SLIT3: variants seen among roughly 807,000 people sequenced by gnomAD.
SLIT3 encodes the protein slit guidance ligand 3.
A neutral mutation model predicts 184.0 loss-of-function variants in SLIT3; 68 were observed. That is an observed-to-expected ratio of 0.37 (90% confidence interval 0.30 to 0.45). The LOEUF (loss-of-function observed/expected upper bound fraction) is 0.45. SLIT3 is among the 20% of genes least tolerant of loss of function. The pLI, the probability that SLIT3 is intolerant of heterozygous loss-of-function variation, is 1.00. For synonymous variants in SLIT3, 831 were observed against 828.6 expected (o/e 1.00, Z -0.05); for missense variants, 1,707 against 2,026.0 (o/e 0.84, Z 3.02).
chr5:168,744,324 C>T (rs1049288393), intron 20 of SLIT3, among the ~76,000 whole-genome samples: 1 of 152,132 alleles, frequency 6.6e-6, no homozygotes, highest in African/African-American at 2.4e-5. Context: ...AAGCTATCTT[C>T]ATAACAGGAA....
intron 4 of SLIT3, among the ~76,000 whole-genome samples, chr5:168,960,830 G>T (rs1762979708): frequency 6.6e-6 from 1 of 152,224 alleles, no homozygotes; most frequent in Non-Finnish European, 1.5e-5. Flanking sequence ...TAAAGCTGGA[G>T]CTTTATTAGT....
intron 5 of SLIT3, among the ~76,000 whole-genome samples, chr5:168,849,406 C>A (rs1252460050): frequency 1.3e-5 from 2 of 152,224 alleles, no homozygotes; most frequent in African/African-American, 2.4e-5. Flanking sequence ...GCTCAGCACC[C>A]TTTAGAGTTT....
intron 4 of SLIT3, among the ~76,000 whole-genome samples, chr5:169,137,522 G>C (rs1761564879): frequency 6.6e-6 from 1 of 151,822 alleles, no homozygotes; most frequent in Non-Finnish European, 1.5e-5. Flanking sequence ...TCTCTGCTCA[G>C]CTCCTGGCCA....
rs1761031058 is a variant in SLIT3 at position 168,666,130 on chromosome 5, C to A, written c.*324G>T. On this transcript the variant is annotated 3_prime_UTR_variant, in exon 36 of 36. Transcript: ENST00000519560. Reference sequence around the variant, plus strand: ...TTTGTTTTAAAGCATTTTTATTAGTCTATTTTTTTCTTAAATTTTTAAACA... The same window carrying A: ...TTTGTTTTAAAGCATTTTTATTAGTATATTTTTTTCTTAAATTTTTAAACA... The A allele has an allele frequency of 5.2e-6, 1 of 192,450 alleles. No individual in the cohort carries two copies. Among genetic ancestry groups the A allele is most frequent in the African/African-American group, 2.3e-5 (1 of 43,000 alleles). 11.9% of individuals were successfully genotyped at this position (192,450 alleles called of 1,614,324 possible). A position where few individuals can be genotyped will look rare whatever the true frequency, so the allele number is the denominator to read the frequency against.
intron 4 of SLIT3, among the ~76,000 whole-genome samples, chr5:169,063,054 G>A (rs1482489211): frequency 6.6e-6 from 1 of 152,214 alleles, no homozygotes; most frequent in Non-Finnish European, 1.5e-5. Context: ...GCATTTGGGT[G>A]CATTTGCTGG....
In SLIT3 at chr5:168,673,899, T is replaced by A. The variant is rs537494005; in HGVS notation, c.3687-568A>T. On this transcript the variant is annotated intron_variant, in intron 32 of 35. Transcript: ENST00000519560. ...AAGCAAACTCCATTCCCAGACCACC[T>A]TCTCAATCCTGCTCTATCTGCATGC... 2.8e-3 allele frequency among the ~76,000 whole-genome samples: 378 copies of A among 135,046 alleles called. 1 individual carries two copies. The highest frequency in any genetic ancestry group is 0.011 in the African/African-American group (360 of 33,026). The allele number at this position is 135,046 out of a possible 152,430, so 88.6% of individuals were successfully genotyped here.
chr5:169,300,671 G>T lies in SLIT3; in HGVS notation c.39C>A (p.Arg13=). 1 of 1,399,542 alleles carries T rather than the reference G, an allele frequency of 7.1e-7. No individual in the cohort carries two copies. The allele number at this position is 1,399,542 out of a possible 1,614,324, so 86.7% of individuals were successfully genotyped here. Residue 13 remains arginine, a synonymous_variant, in exon 1 of 36, where the codon CGC becomes CGA. Transcript: ENST00000519560. The surrounding 1 kb of genome is among the most constrained non-coding windows in gnomAD (Gnocchi z 4.1). ...PGWAGVGAAV[R]ARLALALALA... is the part of the protein sequence containing the mutation. Reference sequence around the variant, plus strand: ...GCGCCAAGGCCAGCGCCAGGCGGGCGCGCACGGCGGCGCCGACCCCTGCCC... The same window carrying T: ...GCGCCAAGGCCAGCGCCAGGCGGGCTCGCACGGCGGCGCCGACCCCTGCCC...
At chr5:169,263,970 GT>G (rs150860325) in intron 1 of SLIT3, among the ~76,000 whole-genome samples, 9,027 of 141,688 alleles carry the variant, frequency 0.064, 410 homozygotes, top group East Asian at 0.26. Context: ...GAGAAACGGG[GT>G]TTTTTTTTTT....
chr5:168,687,028 A>G lies in SLIT3; in HGVS notation c.3265T>C (p.Cys1089Arg), dbSNP rs1235142848. 3.7e-6 allele frequency: 6 copies of G among 1,614,122 alleles called. No homozygotes were observed. Among genetic ancestry groups the G allele is most frequent in the African/African-American group, 1.3e-5 (1 of 74,936 alleles). ...GTGTAGCCATTGATTGTGTCCACGC[A>G]CTGGGCCCCGTGGCGGCACTTGTGG... ...VAHKCRHGAQ[C>R]VDTINGYTCT... Residue 1089 changes from cysteine (C) to arginine (R), a missense_variant, in exon 30 of 36, where the codon TGC (cysteine) becomes CGC (arginine). This residue lies in a region of SLIT3 where 1,307 missense variants were observed against 1,511.6 expected (regional missense o/e 0.86). Transcript: ENST00000519560.
intron 4 of SLIT3, among the ~76,000 whole-genome samples, chr5:168,913,934 A>T (rs1761349290): frequency 6.6e-6 from 1 of 152,214 alleles, no homozygotes; most frequent in South Asian, 2.1e-4. Flanking sequence ...AATAAGCACA[A>T]TTAAAAAATA....
chr5:168,805,932 G>A lies in SLIT3; in HGVS notation c.935+514C>T, dbSNP rs548938799. Among the ~76,000 whole-genome samples the A allele has an allele frequency of 5.9e-5, 9 of 152,308 alleles. No homozygotes were observed. The South Asian group carries it at 1.9e-3, about 32-fold the overall frequency. ...CCCACTGAGGTGTCATACTATAATT[G>A]TCACATTAATATAGGTGAGAAAACA... On this transcript the variant is annotated intron_variant, in intron 9 of 35. Transcript: ENST00000519560.
chr5:169,061,920 T>C (rs1758184962), intron 4 of SLIT3, among the ~76,000 whole-genome samples: 1 of 152,172 alleles, frequency 6.6e-6, no homozygotes, highest in African/African-American at 2.4e-5. Flanking sequence ...AGACTGAGTC[T>C]ATCCCACTGC....
At chr5:169,119,771 C>A (rs558877125) in intron 4 of SLIT3, 1 of 152,148 alleles carries the variant, frequency 6.6e-6, no homozygotes, top group African/African-American at 2.4e-5. Context: ...AAAGAGCCAG[C>A]GCTCACCTGA....
chr5:169,186,180 G>C (rs890017122), intron 4 of SLIT3, among the ~76,000 whole-genome samples: 2 of 152,130 alleles, frequency 1.3e-5, no homozygotes, highest in African/African-American at 4.8e-5. Flanking sequence ...CCATATTGGA[G>C]ATCAGGTTGT....
chr5:169,043,612 T>C (rs1757523786), intron 4 of SLIT3, among the ~76,000 whole-genome samples: 1 of 152,250 alleles, frequency 6.6e-6, no homozygotes, highest in Non-Finnish European at 1.5e-5. Context: ...TCACGAATTT[T>C]TGAGTAGCAG....
intron 4 of SLIT3, among the ~76,000 whole-genome samples, chr5:169,131,662 A>G (rs895585586): frequency 2.2e-4 from 34 of 152,198 alleles, no homozygotes; most frequent in African/African-American, 8.2e-4. Flanking sequence ...TCAGCTTGGA[A>G]AAGGAAGGCC....
chr5:168,819,615 C>T (rs1561950532), intron 7 of SLIT3, among the ~76,000 whole-genome samples: 3 of 152,300 alleles, frequency 2.0e-5, no homozygotes, highest in East Asian at 1.9e-4. Flanking sequence ...AAACAAATTC[C>T]CGTCGGTTCC....
At chr5:169,193,706 TC>T in intron 3 of SLIT3, among the ~76,000 whole-genome samples, 156 bp from the exon 4 acceptor site, 1 of 152,272 alleles carries the variant, frequency 6.6e-6, no homozygotes, top group Middle Eastern at 3.4e-3. Context: ...TAAGGTATAT[TC>T]CCTGTTGGCG....
chr5:168,804,010 A>C (rs1463182132), intron 9 of SLIT3, among the ~76,000 whole-genome samples: 2 of 150,100 alleles, frequency 1.3e-5, no homozygotes, highest in African/African-American at 2.4e-5. Flanking sequence ...GGGAGGGAGA[A>C]AATGATGAAG....
Sources: allele counts gnomAD v4.1 joint callset (sites outside exome capture counted in the v4.1 genomes callset), GRCh38; gene constraint gnomAD v4.1.1; regional missense constraint gnomAD v4.1.1; non-coding constraint Gnocchi (gnomAD v3.1); transcripts MANE v1.5; gene names NCBI Gene and HGNC (gene_info 2026-07-23, HGNC 2026-07-21).